SH3KBP1: variants seen among roughly 807,000 people sequenced by gnomAD.
SH3KBP1 encodes the protein SH3 domain containing kinase binding protein 1, also known as SH3 domain-containing kinase-binding protein 1.
A neutral mutation model predicts 50.1 loss-of-function variants in SH3KBP1; 8 were observed. The ratio of observed to expected loss-of-function variants is 0.16; its 90% CI spans 0.09 to 0.29. The LOEUF (loss-of-function observed/expected upper bound fraction) is 0.29. Among genes scored for constraint, SH3KBP1 ranks in the 10% least tolerant of loss-of-function variants. The pLI, the probability that SH3KBP1 is intolerant of heterozygous loss-of-function variation, is 1.00. For missense variants in SH3KBP1, 377 were observed against 535.2 expected (o/e 0.70, Z 2.92); for synonymous variants, 227 against 218.6 (o/e 1.04, Z -0.34).
At chrX:19,541,119 G>A (rs2064877478) in intron 16 of SH3KBP1, among the ~76,000 whole-genome samples, 1 of 111,581 alleles carries the variant, frequency 9.0e-6, no homozygotes, top group East Asian at 2.8e-4. Flanking sequence ...GTTTCGCCAT[G>A]TTGGCCAGGC....
At chrX:19,657,162 A>G (rs766784100) in intron 6 of SH3KBP1, among the ~76,000 whole-genome samples, 23 of 110,643 alleles carry the variant, frequency 2.1e-4, no homozygotes, top group African/African-American at 6.2e-4. Context: ...GGATTGCTTA[A>G]GCTCAGGAGT....
chrX:19,671,274 G>C (rs1188854711), intron 6 of SH3KBP1, among the ~76,000 whole-genome samples: 1 of 111,305 alleles, frequency 9.0e-6, no homozygotes, highest in Non-Finnish European at 1.9e-5. Flanking sequence ...GCTAGAGAGT[G>C]AGGGATATCT....
At chrX:19,685,308 CTG>C (rs1228649777) in intron 5 of SH3KBP1, among the ~76,000 whole-genome samples, 4 of 112,595 alleles carry the variant, frequency 3.6e-5, no homozygotes, top group Non-Finnish European at 7.5e-5. Flanking sequence ...CAGGAAGAAA[CTG>C]TTAAATGAAA....
intron 1 of SH3KBP1, among the ~76,000 whole-genome samples, chrX:19,878,503 TGTGAGAGAGAGAGA>T (rs1419270839): frequency 1.0e-4 from 8 of 78,887 alleles, no homozygotes; most frequent in African/African-American, 6.4e-4. Flanking sequence ...TGTGTGTGTG[TGTGAGAGAGAGAGA>T]GAGAGAGAGA....
intron 15 of SH3KBP1, among the ~76,000 whole-genome samples, chrX:19,545,646 T>A (rs1026818549): frequency 8.9e-6 from 1 of 111,817 alleles, no homozygotes; most frequent in African/African-American, 3.2e-5. Flanking sequence ...GGTGGTAGTG[T>A]GTGAAGGTAT....
At chrX:19,547,964 T>C (rs1166989564) in intron 14 of SH3KBP1, among the ~76,000 whole-genome samples, 1 of 112,957 alleles carries the variant, frequency 8.9e-6, no homozygotes, top group Non-Finnish European at 1.9e-5. Flanking sequence ...AGCACAAATA[T>C]ATCCTTTTGT....
chrX:19,820,082 A>G (rs1603263835), intron 2 of SH3KBP1, among the ~76,000 whole-genome samples: 1 of 111,718 alleles, frequency 9.0e-6, no homozygotes, highest in Non-Finnish European at 1.9e-5. Flanking sequence ...CTTTTTTATT[A>G]TCTCAATTCC....
At chrX:19,732,170 T>C (rs1006846363) in intron 3 of SH3KBP1, among the ~76,000 whole-genome samples, 2 of 111,790 alleles carry the variant, frequency 1.8e-5, no homozygotes, top group African/African-American at 6.5e-5. Context: ...TTATGATCCA[T>C]GTATACATTG....
chrX:19,849,683 G>GAAAAAAA (rs61338118), intron 1 of SH3KBP1, among the ~76,000 whole-genome samples: 7 of 48,842 alleles, frequency 1.4e-4, no homozygotes, highest in Non-Finnish European at 7.9e-5. Flanking sequence ...GTAGCAGAGT[G>GAAAAAAA]AAAAAAAAAA....
At chrX:19,749,858 C>G (rs1974325732) in intron 2 of SH3KBP1, among the ~76,000 whole-genome samples, 1 of 112,111 alleles carries the variant, frequency 8.9e-6, no homozygotes, top group Admixed American at 9.4e-5. Context: ...AAGACTCCCA[C>G]ATGAATAGCA....
rs1280755037 is a variant in SH3KBP1, at chrX:19,758,474, G to T, written c.163-12033C>A. On this transcript the variant is annotated intron_variant, in intron 2 of 17. Coordinates refer to ENST00000397821, the MANE Select transcript of SH3KBP1 (RefSeq NM_031892.3). The stretch of plus-strand genomic sequence containing the variant: ...TCATGGGTAGGATCCAGCTTTCTTT[G>T]GTGCCCAGAGTACAAGTAAAAAGAG... Among the ~76,000 whole-genome samples the T allele has an allele frequency of 3.6e-5, 4 of 110,708 alleles. No homozygotes were observed. In the Admixed American group the frequency reaches 3.9e-4, roughly 11 times the overall value.
intron 15 of SH3KBP1, among the ~76,000 whole-genome samples, chrX:19,543,382 G>C (rs755676380): frequency 2.7e-5 from 3 of 112,004 alleles, no homozygotes; most frequent in African/African-American, 6.5e-5. Context: ...CTGGGAAAGA[G>C]GGGAGGAAGA....
At chrX:19,799,299 C>T (rs956964078) in intron 2 of SH3KBP1, among the ~76,000 whole-genome samples, 1 of 111,513 alleles carries the variant, frequency 9.0e-6, no homozygotes, top group African/African-American at 3.3e-5. Context: ...AGAAAACTCA[C>T]CTGGCTGTCG....
chrX:19,664,041 A>G (rs2062533497), intron 6 of SH3KBP1, among the ~76,000 whole-genome samples: 1 of 112,214 alleles, frequency 8.9e-6, no homozygotes, highest in Non-Finnish European at 1.9e-5. Context: ...GCAATGAGCC[A>G]TGATCATGTC....
chrX:19,670,228 A>C, intron 6 of SH3KBP1: 3 of 258,833 alleles, frequency 1.2e-5, no homozygotes, highest in Non-Finnish European at 1.6e-5. Flanking sequence ...CATACCTATA[A>C]ATGCCCCGCA....
intron 9 of SH3KBP1, among the ~76,000 whole-genome samples, chrX:19,602,104 T>A (rs2067109313): frequency 9.0e-6 from 1 of 110,806 alleles, no homozygotes; most frequent in African/African-American, 3.3e-5. Context: ...ATGCCTTGAT[T>A]CCATGCCCAG....
At chrX:19,628,436 C>A (rs773347779) in intron 8 of SH3KBP1, among the ~76,000 whole-genome samples, 9 of 111,138 alleles carry the variant, frequency 8.1e-5, no homozygotes, top group African/African-American at 2.9e-4. Context: ...GAAACTCAGA[C>A]TCAGAGGGGG....
chrX:19,796,138 A>G (rs1386489675), intron 2 of SH3KBP1, among the ~76,000 whole-genome samples: 1 of 111,990 alleles, frequency 8.9e-6, no homozygotes. Flanking sequence ...TGGGATGTGT[A>G]CCGTAGACCA....
Position 19,569,163 on chromosome X carries a change from C to G in SH3KBP1, c.1324G>C (p.Ala442Pro). 8.3e-7 allele frequency: 1 copy of G among 1,210,693 alleles called. No homozygotes were observed. Among genetic ancestry groups the G allele is most frequent in the East Asian group, 3.0e-5 (1 of 33,859 alleles). Residue 442 changes from alanine (A) to proline (P), a missense_variant, in exon 13 of 18, where the codon GCC (alanine) becomes CCC (proline). Ala to Pro is a conservative substitution (Grantham distance 27). Around this residue, in one of 3 missense-constraint regions of SH3KBP1, gnomAD observed 257 missense variants for 374.2 expected, o/e 0.69. Coordinates refer to ENST00000397821, the MANE Select transcript of SH3KBP1 (RefSeq NM_031892.3). ...TRGDSPKIDL[A>P]GSSLSGILDK... ...AGGATGCCAGATAGCGAACTGCCGGCCAAGTCAATCTTTGGACTGTCACCC... is the reference window on the plus strand; with the variant it reads ...AGGATGCCAGATAGCGAACTGCCGGGCAAGTCAATCTTTGGACTGTCACCC...
Sources: allele counts gnomAD v4.1 joint callset (sites outside exome capture counted in the v4.1 genomes callset), GRCh38; gene constraint gnomAD v4.1.1; regional missense constraint gnomAD v4.1.1; transcripts MANE v1.5; gene names NCBI Gene and HGNC (gene_info 2026-07-23, HGNC 2026-07-21).